The following FAM180A variants were observed in gnomAD, a reference collection of about 807,000 sequenced individuals.
FAM180A encodes protein FAM180A.
A neutral mutation model predicts 15.3 loss-of-function variants in FAM180A; 14 were observed. That is an observed-to-expected ratio of 0.92 (90% CI 0.61 to 1.43). The LOEUF is 1.43. FAM180A is among the 40% of genes most tolerant of loss of function. The probability of loss-of-function intolerance (pLI) is 0.00; values close to 1 mark genes in which losing one functional copy is unlikely to be tolerated. For missense variants in FAM180A, 200 were observed against 220.8 expected (o/e 0.91, Z 0.60); for synonymous variants, 90 against 96.8 (o/e 0.93, Z 0.41).
intron 1 of FAM180A, among the ~76,000 whole-genome samples, chr7:135,740,662 G>A (rs1796932498): frequency 1.3e-5 from 2 of 152,208 alleles, no homozygotes; most frequent in Admixed American, 6.5e-5. Context: ...TATCTGATGG[G>A]GCCTTACAAG....
chr7:135,732,965 G>A (rs1310226175), intron 3 of FAM180A, among the ~76,000 whole-genome samples: 2 of 152,164 alleles, frequency 1.3e-5, no homozygotes, highest in African/African-American at 4.8e-5. Flanking sequence ...ATGCCACCTT[G>A]TTCGTTGGGA....
intron 1 of FAM180A, among the ~76,000 whole-genome samples, chr7:135,745,958 GA>G (rs1292013935): frequency 1.3e-5 from 2 of 151,144 alleles, no homozygotes; most frequent in South Asian, 2.1e-4. Context: ...ATTCAGTCTT[GA>G]AAAAAAAGAT....
intron 1 of FAM180A, among the ~76,000 whole-genome samples, chr7:135,744,541 G>C (rs1365475019): frequency 6.6e-6 from 1 of 152,202 alleles, no homozygotes; most frequent in African/African-American, 2.4e-5. Flanking sequence ...TCTCGGCCCT[G>C]TGCGTGGGGG....
chr7:135,738,776 C>T lies in FAM180A; in HGVS notation c.77-1577G>A, dbSNP rs569580237. On this transcript the variant is annotated intron_variant, in intron 1 of 3. Coordinates refer to ENST00000338588, the MANE Select transcript of FAM180A (RefSeq NM_205855.4). ...GCCCCTCTGGGGAGCAGGCACTGTG[C>T]AGAAATGATCGGCAAGCCCTCTGCC... Among the ~76,000 whole-genome samples the T allele has an allele frequency of 3.3e-5, 5 of 152,298 alleles. No individual in the cohort carries two copies. In the East Asian group the frequency reaches 5.8e-4, roughly 18 times the overall value.
At chr7:135,741,641 T>G (rs964267168) in intron 1 of FAM180A, among the ~76,000 whole-genome samples, 2 of 151,506 alleles carry the variant, frequency 1.3e-5, no homozygotes, top group African/African-American at 4.9e-5. Context: ...CTGGGCAACA[T>G]AGTGAGACCC....
chr7:135,741,338 G>A (rs942959237), intron 1 of FAM180A, among the ~76,000 whole-genome samples: 5 of 152,134 alleles, frequency 3.3e-5, no homozygotes, highest in African/African-American at 1.2e-4. Flanking sequence ...GCTTTAAAAT[G>A]TAAGTGTGTA....
chr7:135,733,172 T>C (rs903626959), intron 3 of FAM180A, among the ~76,000 whole-genome samples: 2 of 152,196 alleles, frequency 1.3e-5, no homozygotes, highest in African/African-American at 4.8e-5. Context: ...AGTATATCCT[T>C]GGCAAATAAT....
intron 1 of FAM180A, among the ~76,000 whole-genome samples, chr7:135,741,802 G>A (rs1016022532): frequency 8.1e-5 from 12 of 148,744 alleles, no homozygotes; most frequent in African/African-American, 1.3e-4. Context: ...TAGCCTGGGC[G>A]ATAGAGTGAG....
Position 135,748,528 on chromosome 7 carries a change from G to A in FAM180A, c.53C>T (p.Ser18Phe), listed in dbSNP as rs1563182644. The A allele has an allele frequency of 1.2e-6, 2 of 1,613,978 alleles. No homozygotes were observed. Among genetic ancestry groups the A allele is most frequent in the South Asian group, 2.2e-5 (2 of 91,078 alleles). Residue 18 changes from serine to phenylalanine, a missense_variant, in exon 1 of 4, where the codon TCT becomes TTT. Physicochemically the swap from Ser to Phe is radical, Grantham distance 155. Transcript: ENST00000338588. ...LLLLYYNAEA[S>F]MCHRWSRAVL... ...ACCCCTGCTCCACCTGTGGCACATA[G>A]AAGCCTCAGCATTGTAATACAACAG...
In FAM180A at chr7:135,733,999, G is replaced by A. The variant is rs758847265; in HGVS notation, c.498C>T (p.Ser166=). The A allele has an allele frequency of 6.2e-7, 1 of 1,610,060 alleles. No homozygotes were observed. The highest frequency in any genetic ancestry group is 1.1e-5 in the South Asian group (1 of 90,356). Reference sequence around the variant, plus strand: ...CTCAGGGAGGTACTCCCGGCTGTGAGGAGCGCATCAAGTCGTGCCTCAGGG... The same window carrying A: ...CTCAGGGAGGTACTCCCGGCTGTGAAGAGCGCATCAAGTCGTGCCTCAGGG... ...FQALRHDLMR[S]SQPGVPP is the part of the protein sequence containing the mutation. Residue 166 remains serine (S), a synonymous_variant, in exon 3 of 4, where the codon TCC becomes TCT. Coordinates refer to ENST00000338588, the MANE Select transcript of FAM180A (RefSeq NM_205855.4).
chr7:135,744,001 C>T (rs913489294), intron 1 of FAM180A, among the ~76,000 whole-genome samples: 4 of 152,140 alleles, frequency 2.6e-5, no homozygotes, highest in Admixed American at 2.0e-4. Flanking sequence ...ACCACACCCT[C>T]CCCTTATCCC....
intron 2 of FAM180A, among the ~76,000 whole-genome samples, 183 bp downstream of exon 2, chr7:135,736,916 A>G (rs1456757293): frequency 1.3e-5 from 2 of 152,250 alleles, no homozygotes; most frequent in African/African-American, 4.8e-5. Context: ...GAAAGACAGG[A>G]GGCATGAGGA....
Position 135,734,164 on chromosome 7 carries a change from G to A in FAM180A, c.333C>T (p.Leu111=), listed in dbSNP as rs185407162. The A allele has an allele frequency of 1.9e-6, 3 of 1,614,232 alleles. No homozygotes were observed. In the African/African-American group the frequency reaches 4.0e-5, roughly 22 times the overall value. Residue 111 remains leucine (L), a synonymous_variant, in exon 3 of 4, where the codon CTC becomes CTT. Transcript: ENST00000338588. ...IPDIRRLSAS[L]SSHPGILKKE... ...TCTTGAGGATGCCAGGGTGGCTGGA[G>A]AGGCTGGCGCTGAGCCGGCGGATGT...
Position 135,748,505 on chromosome 7 carries a change from C to T in FAM180A, c.76G>A (p.Ala26Thr). The change falls in exon 1 of 4, where the codon GCT becomes ACT. Residue 26 changes from alanine (A) to threonine (T), a missense_variant and splice_region_variant. By Grantham distance (58) the Ala-to-Thr change is moderately conservative. Transcript: ENST00000338588. ...EASMCHRWSRAVLFPAAHRPK... is the reference protein window; with the variant it reads ...EASMCHRWSRTVLFPAAHRPK... ...AACAAATGAATAAAAAGCAACTCAC[C>T]CCTGCTCCACCTGTGGCACATAGAA... 1 of 1,613,134 alleles carries T rather than the reference C, an allele frequency of 6.2e-7. No homozygotes were observed. The highest frequency in any genetic ancestry group is 8.5e-7 in the Non-Finnish European group (1 of 1,179,104).
chr7:135,731,059 C>T (rs1796773458), intron 3 of FAM180A, among the ~76,000 whole-genome samples: 1 of 152,040 alleles, frequency 6.6e-6, no homozygotes, highest in African/African-American at 2.4e-5. Flanking sequence ...ACCATCTTCC[C>T]ATTCATGGAT....
Position 135,748,644 on chromosome 7 carries a change from T to A in FAM180A, c.-64A>T. 1 of 1,277,448 alleles carries A rather than the reference T, an allele frequency of 7.8e-7. No individual in the cohort carries two copies. The highest frequency in any genetic ancestry group is 1.5e-5 in the African/African-American group (1 of 68,514). 79.1% of individuals were successfully genotyped at this position (1,277,448 alleles called of 1,614,324 possible). A position where few individuals can be genotyped will look rare whatever the true frequency, so the allele number is the denominator to read the frequency against. On this transcript the variant is annotated 5_prime_UTR_variant, in exon 1 of 4. Coordinates refer to ENST00000338588, the MANE Select transcript of FAM180A (RefSeq NM_205855.4). Reference sequence around the variant, plus strand: ...AGTGGAACCCCAGTAGCTGCAGGTATGCCCGTGCCGTTCTTCCCAGTGAGA... The same window carrying A: ...AGTGGAACCCCAGTAGCTGCAGGTAAGCCCGTGCCGTTCTTCCCAGTGAGA...
At position 135,734,074 on chromosome 7, in the gene FAM180A, G is replaced by C. The variant is rs373276479; in HGVS notation, c.423C>G (p.His141Gln). The change falls in exon 3 of 4, where the codon CAC (histidine) becomes CAG (glutamine). Residue 141 changes from histidine (H) to glutamine (Q), a missense_variant. Transcript: ENST00000338588. The stretch of plus-strand genomic sequence containing the variant: ...GCGCCCAGATGTCCTTCTGATGGCC[G>C]TGGGACAGGGCTGTGCGGTAGGCTG... ...AYTAYRTALSHGHQKDIWAQS... is the reference protein window; with the variant it reads ...AYTAYRTALSQGHQKDIWAQS... 6.2e-7 allele frequency: 1 copy of C among 1,614,206 alleles called. No homozygotes were observed. Among genetic ancestry groups the C allele is most frequent in the Non-Finnish European group, 8.5e-7 (1 of 1,180,044 alleles).
At chr7:135,736,128 T>C (rs1368656390) in intron 2 of FAM180A, among the ~76,000 whole-genome samples, 1 of 151,974 alleles carries the variant, frequency 6.6e-6, no homozygotes. Flanking sequence ...GTTCCAGTGA[T>C]TCTCCTGCCT....
chr7:135,740,017 G>A (rs1796923599), intron 1 of FAM180A, among the ~76,000 whole-genome samples: 1 of 152,204 alleles, frequency 6.6e-6, no homozygotes, highest in African/African-American at 2.4e-5. Flanking sequence ...GGAGCCATGA[G>A]CTCCATGGCA....
Sources: gnomAD v4.1 joint callset for allele counts (sites outside exome capture counted in the v4.1 genomes callset) on GRCh38, gnomAD v4.1.1 for gene constraint, MANE v1.5 for transcripts, NCBI Gene and HGNC (gene_info 2026-07-23, HGNC 2026-07-21) for gene names.